NSMCE2: variants seen among roughly 807,000 people sequenced by gnomAD.
The protein encoded by NSMCE2 is NSE2 SUMO ligase component of SMC5/6 complex.
NSMCE2 carries 24 observed loss-of-function variants against 23.8 expected under a neutral mutation model. The ratio of observed to expected loss-of-function variants is 1.01; its 90% CI spans 0.73 to 1.42. The LOEUF (loss-of-function observed/expected upper bound fraction) is 1.42. Ranked by LOEUF, NSMCE2 falls within the 40% of genes most tolerant of loss-of-function variation. The pLI, the probability that NSMCE2 is intolerant of heterozygous loss-of-function variation, is 0.00. For missense variants in NSMCE2, 284 were observed against 296.5 expected, an observed-to-expected ratio of 0.96 and a Z score of 0.31; for synonymous variants, 92 against 94.1, an observed-to-expected ratio of 0.98 and a Z score of 0.13.
intron 3 of NSMCE2, among the ~76,000 whole-genome samples, chr8:125,149,637 A>G (rs1820883879): frequency 6.6e-6 from 1 of 152,240 alleles, no homozygotes; most frequent in Admixed American, 6.5e-5. Flanking sequence ...ACTTGTAACA[A>G]CATTACCTTG....
intron 5 of NSMCE2, among the ~76,000 whole-genome samples, chr8:125,334,899 A>T (rs1246035325): frequency 7.1e-6 from 1 of 141,694 alleles, no homozygotes; most frequent in African/African-American, 2.6e-5. Context: ...GGACTACAGG[A>T]TGTACACCAC....
rs1465833862 is a variant in NSMCE2 at position 125,316,656 on chromosome 8, T to TA, written c.419-40563_419-40562insA. Among the ~76,000 whole-genome samples the TA allele has an allele frequency of 1.0e-4, 15 of 144,178 alleles. 2 individuals are homozygous for TA. Among genetic ancestry groups the TA allele is most frequent in the Admixed American group, 5.0e-4 (7 of 14,008 alleles). The allele number at this position is 144,178 out of a possible 152,430, so 94.6% of individuals were successfully genotyped here. A position where few individuals can be genotyped will look rare whatever the true frequency, so the allele number is the denominator to read the frequency against. On this transcript the variant is annotated intron_variant, in intron 5 of 7. Coordinates refer to ENST00000287437, the MANE Select transcript of NSMCE2 (RefSeq NM_173685.4). Reference sequence around the variant, plus strand: ...TTTCTTTATTTCCTTCTTTCCTTCTTTCCTTCCTTCCTTCTTTCCTTCCTT... The same window carrying TA: ...TTTCTTTATTTCCTTCTTTCCTTCTTATCCTTCCTTCCTTCTTTCCTTCCTT...
At chr8:125,124,256 C>T (rs1034952703) in intron 3 of NSMCE2, 6 of 152,106 alleles carry the variant, frequency 3.9e-5, no homozygotes, top group African/African-American at 1.4e-4. Context: ...AATAATATTT[C>T]ACTGTACTTC....
chr8:125,133,165 A>T (rs1819860679), intron 3 of NSMCE2, among the ~76,000 whole-genome samples: 1 of 152,234 alleles, frequency 6.6e-6, no homozygotes, highest in South Asian at 2.1e-4. Context: ...TATCCACTAG[A>T]GGATGATAAT....
At chr8:125,146,075 T>C (rs555778817) in intron 3 of NSMCE2, among the ~76,000 whole-genome samples, 3 of 152,202 alleles carry the variant, frequency 2.0e-5, no homozygotes, top group Non-Finnish European at 4.4e-5. Flanking sequence ...TCCAGAACCA[T>C]GTCTGATAGC....
At chr8:125,223,668 A>G (rs1269511784) in intron 5 of NSMCE2, among the ~76,000 whole-genome samples, 1 of 152,196 alleles carries the variant, frequency 6.6e-6, no homozygotes, top group Admixed American at 6.5e-5. Flanking sequence ...TAGCCATTCT[A>G]ACAGATGTGA....
Position 125,182,522 on chromosome 8 carries a change from G to T in NSMCE2, c.418+266G>T, listed in dbSNP as rs192845699. The T allele has an allele frequency of 8.6e-6, 4 of 462,626 alleles. No homozygotes were observed. The East Asian group carries it at 1.4e-4, about 16-fold the overall frequency. The allele number at this position is 462,626 out of a possible 1,614,324, so 28.7% of individuals were successfully genotyped here. ...TTATGTGTATTGTCCCATTGCTGGG[G>T]AGGGAAATTGGGAAAACAAAATAAA... On this transcript the variant is annotated intron_variant, in intron 5 of 7. Transcript: ENST00000287437.
intron 5 of NSMCE2, among the ~76,000 whole-genome samples, chr8:125,253,194 A>G (rs1826265703): frequency 6.6e-6 from 1 of 152,220 alleles, no homozygotes; most frequent in Non-Finnish European, 1.5e-5. Context: ...GGAAGTTTAT[A>G]TACACTTAAG....
chr8:125,216,271 G>T (rs964592164), intron 5 of NSMCE2, among the ~76,000 whole-genome samples: 1 of 152,202 alleles, frequency 6.6e-6, no homozygotes, highest in African/African-American at 2.4e-5. Context: ...GTGAGCATCA[G>T]TGTACATGTA....
At position 125,161,368 on chromosome 8, in the gene NSMCE2, G is replaced by GA. The variant is rs372324503; in HGVS notation, c.264+10092dup. Among the ~76,000 whole-genome samples, 120 of 152,218 alleles carry GA rather than the reference G, an allele frequency of 7.9e-4. 2 individuals are homozygous for GA. The Middle Eastern group carries it at 0.02, about 26-fold the overall frequency. ...CATTATGTTTATTTATCTTGGGTTA[G>GA]AGTAATGCAGTCAGTTATGAATAGT... On this transcript the variant is annotated intron_variant, in intron 4 of 7. Coordinates refer to ENST00000287437, the MANE Select transcript of NSMCE2 (RefSeq NM_173685.4).
At chr8:125,162,051 A>G (rs761953353) in intron 4 of NSMCE2, among the ~76,000 whole-genome samples, 1 of 152,112 alleles carries the variant, frequency 6.6e-6, no homozygotes, top group Admixed American at 6.6e-5. Flanking sequence ...TTAGCCCCCT[A>G]TATGGAACAG....
rs76206666 is a variant in NSMCE2 at position 125,102,421 on chromosome 8, C to G, written c.91C>G (p.Gln31Glu). The change falls in exon 3 of 8, where the codon CAA becomes GAA. Residue 31 changes from glutamine (Q) to glutamate (E), a missense_variant. Coordinates refer to ENST00000287437, the MANE Select transcript of NSMCE2 (RefSeq NM_173685.4). ...TGCTCTCTCCTCCTTGAAAAACTTCCAAGCCTGTATCAACTCTGGTATGGA... is the reference window on the plus strand; with the variant it reads ...TGCTCTCTCCTCCTTGAAAAACTTCGAAGCCTGTATCAACTCTGGTATGGA... ...ESALSSLKNF[Q>E]ACINSGMDTA... 6.2e-7 allele frequency: 1 copy of G among 1,613,544 alleles called. No individual in the cohort carries two copies. The highest frequency in any genetic ancestry group is 1.1e-5 in the South Asian group (1 of 91,074).
intron 3 of NSMCE2, among the ~76,000 whole-genome samples, chr8:125,125,113 C>T (rs1330525053): frequency 6.6e-6 from 1 of 152,012 alleles, no homozygotes; most frequent in African/African-American, 2.4e-5. Flanking sequence ...AAGATCATGT[C>T]ATCTGTGAAT....
intron 5 of NSMCE2, among the ~76,000 whole-genome samples, chr8:125,260,658 T>C (rs1302121458): frequency 6.6e-6 from 1 of 151,632 alleles, no homozygotes; most frequent in African/African-American, 2.4e-5. Context: ...GGAGTCTTGC[T>C]CTGTTACCCA....
chr8:125,242,105 G>T (rs947787187), intron 5 of NSMCE2, among the ~76,000 whole-genome samples: 1 of 150,166 alleles, frequency 6.7e-6, no homozygotes, highest in Non-Finnish European at 1.5e-5. Flanking sequence ...AACAATAACT[G>T]GGGGGGGAGT....
intron 5 of NSMCE2, among the ~76,000 whole-genome samples, chr8:125,345,814 G>C (rs188792042): frequency 6.6e-6 from 1 of 152,300 alleles, no homozygotes; most frequent in Non-Finnish European, 1.5e-5. Context: ...AGGAGATGAG[G>C]ATACTTACTC....
At chr8:125,234,117 C>T (rs1825444031) in intron 5 of NSMCE2, among the ~76,000 whole-genome samples, 1 of 151,816 alleles carries the variant, frequency 6.6e-6, no homozygotes, top group Non-Finnish European at 1.5e-5. Flanking sequence ...GGCGTGAACC[C>T]AGGAGGCAGA....
intron 5 of NSMCE2, among the ~76,000 whole-genome samples, chr8:125,339,910 T>C (rs546948155): frequency 2.2e-4 from 33 of 152,166 alleles, no homozygotes; most frequent in Admixed American, 7.2e-4. Flanking sequence ...GTTGCATGAG[T>C]CATACCTTGG....
At chr8:125,218,645 C>G (rs976244709) in intron 5 of NSMCE2, among the ~76,000 whole-genome samples, 2 of 152,110 alleles carry the variant, frequency 1.3e-5, no homozygotes, top group East Asian at 3.8e-4. Flanking sequence ...CTCCTGACCT[C>G]AGGTGATCCA....
Sources: gnomAD v4.1 joint callset for allele counts (sites outside exome capture counted in the v4.1 genomes callset) on GRCh38, gnomAD v4.1.1 for gene constraint, MANE v1.5 for transcripts, NCBI Gene and HGNC (gene_info 2026-07-23, HGNC 2026-07-21) for gene names.